Variants in CCDC152 observed in about 807,000 individuals in gnomAD.
The protein encoded by CCDC152 is coiled-coil domain containing 152, also known as coiled-coil domain-containing protein 152.
CCDC152 carries 37 observed loss-of-function variants against 38.1 expected under a neutral mutation model. The observed-to-expected ratio is 0.97, with a 90% CI of 0.75 to 1.28. The LOEUF (loss-of-function observed/expected upper bound fraction) is 1.28, where lower values mean the gene tolerates loss of function less well. Ranked by LOEUF, CCDC152 falls within the 50% of genes most tolerant of loss-of-function variation. The pLI, the probability that CCDC152 is intolerant of heterozygous loss-of-function variation, is 0.00. For synonymous variants in CCDC152, 83 were observed against 87.1 expected, an observed-to-expected ratio of 0.95 and a Z score of 0.26; for missense variants, 259 against 292.1, an observed-to-expected ratio of 0.89 and a Z score of 0.83.
chr5:42,757,185 C>T (rs1041844508), intron 1 of CCDC152, among the ~76,000 whole-genome samples: 2 of 152,192 alleles, frequency 1.3e-5, no homozygotes, highest in African/African-American at 4.8e-5. Flanking sequence ...GGGTCCTCGG[C>T]CCCCATCCTT....
Position 42,799,799 on chromosome 5 carries a change from T to C in CCDC152, c.*18T>C, listed in dbSNP as rs1760138628. The stretch of plus-strand genomic sequence containing the variant: ...GGTTTTGAGCTTAGCAGTAAATTCA[T>C]TAGTTGGTATTTATTTAAAAGCAAT... On this transcript the variant is annotated 3_prime_UTR_variant, in exon 9 of 9. Transcript: ENST00000361970. 2 of 1,547,168 alleles carry C rather than the reference T, an allele frequency of 1.3e-6. No individual in the cohort carries two copies. The highest frequency in any genetic ancestry group is 1.7e-6 in the Non-Finnish European group (2 of 1,145,898).
chr5:42,798,597 T>G (rs1047987232), intron 7 of CCDC152, among the ~76,000 whole-genome samples: 1 of 152,226 alleles, frequency 6.6e-6, no homozygotes, highest in African/African-American at 2.4e-5. Flanking sequence ...GCATTTTGTT[T>G]GCCATTTGGG....
At position 42,800,809 on chromosome 5, in the gene CCDC152, G is replaced by C; in HGVS notation, c.*1028G>C. 1 of 1,614,158 alleles carries C rather than the reference G, an allele frequency of 6.2e-7. No homozygotes were observed. The highest frequency in any genetic ancestry group is 2.2e-5 in the East Asian group (1 of 44,884). ...GTGGGTATAAGCTGCTGACTTATTTGTCAGGCAGCTGGAGGCAAACGTCAC... is the reference window on the plus strand; with the variant it reads ...GTGGGTATAAGCTGCTGACTTATTTCTCAGGCAGCTGGAGGCAAACGTCAC... On this transcript the variant is annotated 3_prime_UTR_variant, in exon 9 of 9. Coordinates refer to ENST00000361970, the MANE Select transcript of CCDC152 (RefSeq NM_001134848.2).
intron 6 of CCDC152, among the ~76,000 whole-genome samples, chr5:42,787,985 GTGT>G (rs1463066903): frequency 2.6e-5 from 4 of 152,120 alleles, no homozygotes; most frequent in African/African-American, 9.7e-5. Context: ...TCCCTTTAGA[GTGT>G]TGTTAGTGAG....
chr5:42,759,304 A>C, intron 2 of CCDC152, 96 bp downstream of exon 2: 2 of 622,122 alleles, frequency 3.2e-6, no homozygotes, highest in Non-Finnish European at 5.6e-6. Flanking sequence ...TATACCAAAA[A>C]ATGATCAAGA....
chr5:42,782,402 A>G (rs1478160072), intron 5 of CCDC152, among the ~76,000 whole-genome samples: 1 of 152,226 alleles, frequency 6.6e-6, no homozygotes, highest in Non-Finnish European at 1.5e-5. Flanking sequence ...ATGAGTATCC[A>G]GAAAGCAAAG....
intron 6 of CCDC152, among the ~76,000 whole-genome samples, chr5:42,788,120 G>T (rs1183876211): frequency 6.6e-6 from 1 of 151,928 alleles, no homozygotes; most frequent in Non-Finnish European, 1.5e-5. Flanking sequence ...ATTTCTTGTA[G>T]GTCTGGTCTG....
At position 42,799,724 on chromosome 5, in the gene CCDC152, T is replaced by C. The variant is rs1760136714; in HGVS notation, c.708T>C (p.Asp236=). 1 of 1,551,314 alleles carries C rather than the reference T, an allele frequency of 6.4e-7. No homozygotes were observed. The highest frequency in any genetic ancestry group is 2.0e-5 in the Admixed American group (1 of 50,982). The change falls in exon 9 of 9, where the codon GAT becomes GAC. Residue 236 remains aspartate, a synonymous_variant. Transcript: ENST00000361970. ...CAATTCTTCGTAATACCATTCGCGATTTAGAGCAACGCCTTTCTGTTGGCA... is the reference window on the plus strand; with the variant it reads ...CAATTCTTCGTAATACCATTCGCGACTTAGAGCAACGCCTTTCTGTTGGCA... ...EIAILRNTIR[D]LEQRLSVGKD... is the part of the protein sequence containing the mutation.
At chr5:42,776,661 G>A (rs940466060) in intron 4 of CCDC152, among the ~76,000 whole-genome samples, 2 of 152,014 alleles carry the variant, frequency 1.3e-5, no homozygotes, top group African/African-American at 4.8e-5. Context: ...ATCCCATTGT[G>A]GTTTATAAAA....
At position 42,800,487 on chromosome 5, in the gene CCDC152, A is replaced by G. The variant is rs1005406926; in HGVS notation, c.*706A>G. ...GAACACTGGAAAAAGAAAAAAAAAG[A>G]CATATTAACCAAAAGCTGCAATCAC... is the stretch of plus-strand genomic sequence containing the variant. On this transcript the variant is annotated 3_prime_UTR_variant, in exon 9 of 9. Transcript: ENST00000361970. 4 of 447,102 alleles carry G rather than the reference A, an allele frequency of 8.9e-6. No homozygotes were observed. The highest frequency in any genetic ancestry group is 8.0e-5 in the African/African-American group (4 of 49,712). The allele number at this position is 447,102 out of a possible 1,614,324, so 27.7% of individuals were successfully genotyped here. A position where few individuals can be genotyped will look rare whatever the true frequency, so the allele number is the denominator to read the frequency against.
intron 7 of CCDC152, among the ~76,000 whole-genome samples, chr5:42,798,575 G>T (rs1489818850): frequency 6.6e-6 from 1 of 152,202 alleles, no homozygotes; most frequent in Non-Finnish European, 1.5e-5. Context: ...ATCCTCCTCT[G>T]TTTGGAAATT....
chr5:42,771,808 T>C (rs1246117646), intron 4 of CCDC152, among the ~76,000 whole-genome samples: 1 of 152,100 alleles, frequency 6.6e-6, no homozygotes, highest in Non-Finnish European at 1.5e-5. Context: ...ATGAGGTGGC[T>C]TCATGGGAAT....
chr5:42,758,835 C>T lies in CCDC152; in HGVS notation c.-2-285C>T, dbSNP rs574958578. 2.0e-5 allele frequency among the ~76,000 whole-genome samples: 3 copies of T among 152,172 alleles called. No individual in the cohort carries two copies. In the South Asian group the frequency reaches 6.2e-4, roughly 32 times the overall value. On this transcript the variant is annotated intron_variant, in intron 1 of 8. Coordinates refer to ENST00000361970, the MANE Select transcript of CCDC152 (RefSeq NM_001134848.2). ...TAACATCTTTAATTAAGAATAATTA[C>T]AGTTAAAAGTCATGCCTCAGATTTA...
chr5:42,793,314 G>A lies in CCDC152; in HGVS notation c.431-3515G>A, dbSNP rs146660106. Among the ~76,000 whole-genome samples, 206 of 152,214 alleles carry A rather than the reference G, an allele frequency of 1.4e-3. 1 individual carries two copies. The highest frequency in any genetic ancestry group is 4.7e-3 in the African/African-American group (196 of 41,530). ...GGATAGATTATAAAGGGGCACAAGGGCTCCTTTTGAAGTGATAGAAAAATT... is the reference window on the plus strand; with the variant it reads ...GGATAGATTATAAAGGGGCACAAGGACTCCTTTTGAAGTGATAGAAAAATT... On this transcript the variant is annotated intron_variant, in intron 6 of 8. Coordinates refer to ENST00000361970, the MANE Select transcript of CCDC152 (RefSeq NM_001134848.2).
Position 42,756,835 on chromosome 5 carries a change from G to C in CCDC152, c.-53G>C, listed in dbSNP as rs1759485270. 1 of 152,854 alleles carries C rather than the reference G, an allele frequency of 6.5e-6. No homozygotes were observed. The highest frequency in any genetic ancestry group is 1.5e-5 in the Non-Finnish European group (1 of 68,244). 9.5% of individuals were successfully genotyped at this position (152,854 alleles called of 1,614,324 possible). On this transcript the variant is annotated 5_prime_UTR_variant, in exon 1 of 9. Transcript: ENST00000361970. ...GGGACAGCATTCAGGGGTGTACCAGGCCCCAGAGGCAGCGGAAAGGGAGAC... is the reference window on the plus strand; with the variant it reads ...GGGACAGCATTCAGGGGTGTACCAGCCCCCAGAGGCAGCGGAAAGGGAGAC...
chr5:42,781,007 A>G (rs58429632), intron 5 of CCDC152, among the ~76,000 whole-genome samples: 39,458 of 152,128 alleles, frequency 0.26, 5,717 homozygotes, highest in Admixed American at 0.38. Context: ...GTGGGATAGA[A>G]CTTGGCTCAA....
At chr5:42,787,687 C>T (rs955487152) in intron 6 of CCDC152, among the ~76,000 whole-genome samples, 14 of 151,924 alleles carry the variant, frequency 9.2e-5, no homozygotes, top group Non-Finnish European at 1.2e-4. Flanking sequence ...TGAATTGAAG[C>T]CTTTATCATT....
chr5:42,796,257 A>ATTTT (rs1441692449), intron 6 of CCDC152, among the ~76,000 whole-genome samples: 3 of 151,824 alleles, frequency 2.0e-5, no homozygotes, highest in East Asian at 1.9e-4. Flanking sequence ...TAAAATTAAA[A>ATTTT]AAAAAAAAAA....
intron 3 of CCDC152, among the ~76,000 whole-genome samples, chr5:42,767,079 T>G (rs951027221): frequency 2.6e-5 from 4 of 152,092 alleles, no homozygotes; most frequent in Non-Finnish European, 4.4e-5. Context: ...AAATACAATT[T>G]TATTTGTTCT....
Sources: allele counts gnomAD v4.1 joint callset (sites outside exome capture counted in the v4.1 genomes callset), GRCh38; gene constraint gnomAD v4.1.1; transcripts MANE v1.5; gene names NCBI Gene and HGNC (gene_info 2026-07-23, HGNC 2026-07-21).